The following MAF variants were observed in gnomAD, a reference collection of about 807,000 sequenced individuals.
The protein encoded by MAF is MAF bZIP transcription factor, also known as transcription factor Maf.
In MAF, 10 loss-of-function variants were observed where a neutral mutation model predicts 22.0. The ratio of observed to expected loss-of-function variants is 0.45; its 90% CI spans 0.28 to 0.77. The LOEUF is 0.77. MAF is among the 30% of genes least tolerant of loss of function. The pLI is 0.12. For synonymous variants in MAF, 337 were observed against 255.8 expected, an observed-to-expected ratio of 1.32 and a Z score of -3.03; for missense variants, 544 against 548.4, an observed-to-expected ratio of 0.99 and a Z score of 0.08.
chr16:79,432,581 CAA>C, the MAF span, among the ~76,000 whole-genome samples: 1,234 of 152,108 alleles, frequency 8.1e-3, 20 homozygotes, highest in African/African-American at 0.028. Flanking sequence ...CAGTACAAAA[CAA>C]AACTGCAGAT....
the MAF span, among the ~76,000 whole-genome samples, chr16:79,548,550 C>T: frequency 5.0e-4 from 76 of 152,238 alleles, no homozygotes; most frequent in Non-Finnish European, 8.1e-4. Context: ...AGCATGATAC[C>T]GTTGATGACC....
chr16:79,381,393 G>T, the MAF span, among the ~76,000 whole-genome samples: 5 of 152,114 alleles, frequency 3.3e-5, no homozygotes, highest in Admixed American at 6.5e-5. Flanking sequence ...ACGAAGCCCA[G>T]ATAAGTGTGT....
the MAF span, among the ~76,000 whole-genome samples, chr16:79,260,534 G>A: frequency 7.1e-6 from 1 of 140,008 alleles, no homozygotes; most frequent in Non-Finnish European, 1.6e-5. Flanking sequence ...CACTAGGATG[G>A]AAACACTATG....
the MAF span, among the ~76,000 whole-genome samples, chr16:79,356,271 G>A: frequency 0.56 from 84,278 of 151,546 alleles, 23,746 homozygotes; most frequent in East Asian, 0.77. Flanking sequence ...ATGCGACACA[G>A]CTCTCTAAAA....
the MAF span, among the ~76,000 whole-genome samples, chr16:79,531,018 T>C: frequency 1.3e-5 from 2 of 152,332 alleles, no homozygotes; most frequent in African/African-American, 4.8e-5. Flanking sequence ...TTCTGGGTAA[T>C]GTCGCCATTC....
chr16:79,308,362 G>A, the MAF span, among the ~76,000 whole-genome samples: 1,527 of 152,306 alleles, frequency 0.01, 16 homozygotes, highest in Non-Finnish European at 0.018. Flanking sequence ...GAGGCCATTG[G>A]ATGGTAGGAG....
the MAF span, among the ~76,000 whole-genome samples, chr16:79,375,799 T>C: frequency 1.3e-5 from 2 of 152,296 alleles, no homozygotes; most frequent in African/African-American, 4.8e-5. Flanking sequence ...CTGCTGCATT[T>C]TGGCAAATCC....
At chr16:79,508,106 G>A in the MAF span, among the ~76,000 whole-genome samples, 5 of 152,142 alleles carry the variant, frequency 3.3e-5, no homozygotes, top group African/African-American at 4.8e-5. Context: ...GGAAGAAGGC[G>A]CAGCATGGGA....
At chr16:79,210,075 T>TCCAGTATCATCA in the MAF span, among the ~76,000 whole-genome samples, 2 of 152,150 alleles carry the variant, frequency 1.3e-5, no homozygotes, top group East Asian at 3.9e-4. Context: ...GTGGAACTTG[T>TCCAGTATCATCA]CCAGTATCAT....
the MAF span, among the ~76,000 whole-genome samples, chr16:79,225,450 G>A: frequency 4.6e-5 from 7 of 152,102 alleles, no homozygotes; most frequent in East Asian, 1.4e-3. Context: ...TCATAGGTAT[G>A]GGCAAAGACA....
At chr16:79,396,699 C>T in the MAF span, among the ~76,000 whole-genome samples, 1 of 152,210 alleles carries the variant, frequency 6.6e-6, no homozygotes, top group Non-Finnish European at 1.5e-5. Flanking sequence ...CAACTTGCTG[C>T]ACACTGGAGT....
chr16:79,323,637 G>A, the MAF span, among the ~76,000 whole-genome samples: 1 of 152,124 alleles, frequency 6.6e-6, no homozygotes, highest in African/African-American at 2.4e-5. Flanking sequence ...CGTACCTTGC[G>A]GCAAGCAGCT....
At chr16:79,211,552 C>A in the MAF span, 1 of 1,610,764 alleles carries the variant, frequency 6.2e-7, no homozygotes, top group South Asian at 1.1e-5. Context: ...GAAATGACGC[C>A]ATCTCATCAC....
chr16:79,338,606 G>A, the MAF span, among the ~76,000 whole-genome samples: 1 of 152,008 alleles, frequency 6.6e-6, no homozygotes, highest in African/African-American at 2.4e-5. Context: ...AAATTTTCAA[G>A]GTTTAGGATG....
At chr16:79,573,527 GT>G in the MAF span, among the ~76,000 whole-genome samples, 2 of 152,154 alleles carry the variant, frequency 1.3e-5, no homozygotes, top group Non-Finnish European at 2.9e-5. Flanking sequence ...CAGCATTTAT[GT>G]TTTTAACTGT....
At chr16:79,221,634 G>T in the MAF span, among the ~76,000 whole-genome samples, 1 of 152,096 alleles carries the variant, frequency 6.6e-6, no homozygotes, top group African/African-American at 2.4e-5. Context: ...CTAAAACAAG[G>T]CAATCTTCAT....
At chr16:79,467,873 G>A in the MAF span, among the ~76,000 whole-genome samples, 3 of 151,912 alleles carry the variant, frequency 2.0e-5, no homozygotes, top group Non-Finnish European at 2.9e-5. Context: ...AAAGGATGCA[G>A]GCAGGCAAAC....
At chr16:79,209,582 C>G in the MAF span, among the ~76,000 whole-genome samples, 3 of 152,178 alleles carry the variant, frequency 2.0e-5, no homozygotes, top group Non-Finnish European at 4.4e-5. Context: ...TGGCAAGTCA[C>G]TTGGCCACTC....
chr16:79,559,501 C>A, the MAF span, among the ~76,000 whole-genome samples: 471 of 152,244 alleles, frequency 3.1e-3, 11 homozygotes, highest in Admixed American at 0.028. Flanking sequence ...TGTTTCTCTG[C>A]CTTCCGTTCT....
Sources: gnomAD v4.1 joint callset for allele counts (sites outside exome capture counted in the v4.1 genomes callset) on GRCh38, gnomAD v4.1.1 for gene constraint, MANE v1.5 for transcripts, NCBI Gene and HGNC (gene_info 2026-07-23, HGNC 2026-07-21) for gene names.